ADGRE2: variants seen among roughly 807,000 people sequenced by gnomAD.
ADGRE2 encodes CD97 antigen.
ADGRE2 carries 83 observed loss-of-function variants against 100.8 expected under a neutral mutation model. The observed-to-expected ratio is 0.82, with a 90% CI of 0.69 to 0.99. The LOEUF is 0.99. ADGRE2 is among the 50% of genes least tolerant of loss of function. ADGRE2 has a pLI of 0.00. For synonymous variants in ADGRE2, 355 were observed against 413.0 expected (o/e 0.86, Z 1.70); for missense variants, 814 against 1,035.7 (o/e 0.79, Z 2.94).
chr19:14,770,222 G>A (rs1303363798), intron 5 of ADGRE2, among the ~76,000 whole-genome samples: 1 of 152,088 alleles, frequency 6.6e-6, no homozygotes, highest in African/African-American at 2.4e-5. Flanking sequence ...TTCTCGCCTT[G>A]TTAGTTCCCA....
At chr19:14,775,960 C>T (rs2044422165) in intron 2 of ADGRE2, among the ~76,000 whole-genome samples, 1 of 152,034 alleles carries the variant, frequency 6.6e-6, no homozygotes, top group African/African-American at 2.4e-5. Flanking sequence ...ACACCACAAC[C>T]GCCGCCAGCC....
In ADGRE2 at chr19:14,735,212, G is replaced by T. The variant is rs1439116932; in HGVS notation, c.*1024C>A. 1 of 152,064 alleles carries T rather than the reference G, an allele frequency of 6.6e-6. No homozygotes were observed. The highest frequency in any genetic ancestry group is 2.4e-5 in the African/African-American group (1 of 41,398). 9.4% of individuals were successfully genotyped at this position (152,064 alleles called of 1,614,324 possible). On this transcript the variant is annotated 3_prime_UTR_variant, in exon 21 of 21. Transcript: ENST00000315576. ...TCCTACCCTTGCTATTTGCCTAAATGATTTCTCCTTAACTCCTATATCATC... is the reference window on the plus strand; with the variant it reads ...TCCTACCCTTGCTATTTGCCTAAATTATTTCTCCTTAACTCCTATATCATC...
intron 14 of ADGRE2, 46 bp downstream of exon 14, chr19:14,754,907 GT>G (rs1277010947): frequency 6.3e-7 from 1 of 1,586,960 alleles, no homozygotes; most frequent in Non-Finnish European, 8.6e-7. Flanking sequence ...CTGGGGATTT[GT>G]TACACGGCAA....
intron 20 of ADGRE2, 127 bp from the exon 21 acceptor site, chr19:14,736,371 C>T (rs1043290913): frequency 3.5e-6 from 2 of 573,800 alleles, no homozygotes; most frequent in South Asian, 2.3e-5. Flanking sequence ...AAGCAATTCT[C>T]CTGTCTCAGC....
At chr19:14,773,521 CT>C (rs2044302585) in intron 4 of ADGRE2, among the ~76,000 whole-genome samples, 1 of 143,792 alleles carries the variant, frequency 7.0e-6, no homozygotes, top group African/African-American at 2.6e-5. Flanking sequence ...TTGTTTCTTT[CT>C]TTTTCCTGAG....
At chr19:14,765,971 C>T (rs1257189101) in intron 7 of ADGRE2, 167 bp from the exon 8 acceptor site, 5 of 688,986 alleles carry the variant, frequency 7.3e-6, no homozygotes, top group Non-Finnish European at 1.2e-5. Context: ...GGGCCCCGTG[C>T]AGATGAGCAG....
downstream of ADGRE2, among the ~76,000 whole-genome samples, chr19:14,729,353 C>T (rs1453917977): frequency 2.0e-5 from 3 of 151,056 alleles, no homozygotes; most frequent in African/African-American, 4.9e-5. Context: ...GTTGGTCAAA[C>T]GATACACTTT....
intron 17 of ADGRE2, 127 bp downstream of exon 17, chr19:14,746,769 T>C (rs2043105580): frequency 2.6e-6 from 2 of 771,384 alleles, no homozygotes; most frequent in Non-Finnish European, 4.3e-6. Context: ...TCAAGAGTGG[T>C]CTTAGGAAAC....
intron 10 of ADGRE2, 31 bp downstream of exon 10, chr19:14,765,289 C>T: frequency 6.2e-7 from 1 of 1,613,606 alleles, no homozygotes; most frequent in Non-Finnish European, 8.5e-7. Flanking sequence ...ACCTTCCTGC[C>T]TCGCCCCCTT....
Position 14,736,121 on chromosome 19 carries a change from A to G in ADGRE2, c.*115T>C. ...CCATAACATCCTTCATATTGCTGAC[A>G]TGGTGAATTTCTTGAAACACACAGA... On this transcript the variant is annotated 3_prime_UTR_variant, in exon 21 of 21. Coordinates refer to ENST00000315576, the MANE Select transcript of ADGRE2 (RefSeq NM_013447.4). 1.0e-6 allele frequency: 1 copy of G among 976,614 alleles called. No individual in the cohort carries two copies. Among genetic ancestry groups the G allele is most frequent in the Admixed American group, 2.1e-5 (1 of 46,878 alleles). 60.5% of individuals were successfully genotyped at this position (976,614 alleles called of 1,614,324 possible).
At chr19:14,730,283 G>A (rs2042659148), downstream of ADGRE2, among the ~76,000 whole-genome samples, 1 of 152,094 alleles carries the variant, frequency 6.6e-6, no homozygotes. Context: ...TTGAACTCCT[G>A]ACCTCAGGTG....
chr19:14,765,863 T>C (rs1328010757), intron 7 of ADGRE2, 59 bp from the exon 8 acceptor site: 6 of 1,611,418 alleles, frequency 3.7e-6, no homozygotes, highest in Admixed American at 1.7e-5. Flanking sequence ...TCCTGTCTCC[T>C]GTCTGTGCCC....
chr19:14,738,949 A>ATTTTC (rs199637167), intron 20 of ADGRE2, among the ~76,000 whole-genome samples: 18 of 146,056 alleles, frequency 1.2e-4, no homozygotes, highest in Non-Finnish European at 2.5e-4. Flanking sequence ...CAAGACACAC[A>ATTTTC]TTTTCTTTTC....
chr19:14,730,267 C>T (rs936600706), downstream of ADGRE2, among the ~76,000 whole-genome samples: 2 of 152,078 alleles, frequency 1.3e-5, no homozygotes, highest in Non-Finnish European at 1.5e-5. Flanking sequence ...GTTGGTCAGG[C>T]TGGTCTTGAA....
intron 10 of ADGRE2, among the ~76,000 whole-genome samples, chr19:14,764,846 G>A (rs1044824477): frequency 2.6e-5 from 4 of 152,084 alleles, no homozygotes; most frequent in Non-Finnish European, 5.9e-5. Context: ...GTGAAACCCC[G>A]TCTCTACTAA....
chr19:14,768,451 G>A (rs2044072872), intron 5 of ADGRE2, among the ~76,000 whole-genome samples: 1 of 152,188 alleles, frequency 6.6e-6, no homozygotes, highest in Non-Finnish European at 1.5e-5. Flanking sequence ...GCTGGAGAGG[G>A]GCACAGATGC....
intron 1 of ADGRE2, among the ~76,000 whole-genome samples, chr19:14,777,658 C>T (rs1177754336): frequency 1.3e-5 from 2 of 149,888 alleles, no homozygotes; most frequent in African/African-American, 2.5e-5. Context: ...CCCCACCCCC[C>T]GACAGGCCCC....
At position 14,732,872 on chromosome 19, in the gene ADGRE2, G is replaced by A. The variant is rs1055198553; in HGVS notation, c.*3364C>T. On this transcript the variant is annotated 3_prime_UTR_variant, in exon 21 of 21. Transcript: ENST00000315576. The stretch of plus-strand genomic sequence containing the variant: ...TGTCTATAGCTGTTTTCATACCACA[G>A]TGGTAGAATTGAGTTGCTGTAAATA... 2.6e-5 allele frequency: 4 copies of A among 152,172 alleles called. No homozygotes were observed. 9.4% of individuals were successfully genotyped at this position (152,172 alleles called of 1,614,324 possible).
At position 14,764,428 on chromosome 19, in the gene ADGRE2, C is replaced by T. The variant is rs779758686; in HGVS notation, c.1084+5G>A. 1.2e-6 allele frequency: 2 copies of T among 1,612,730 alleles called. No individual in the cohort carries two copies. The highest frequency in any genetic ancestry group is 1.7e-6 in the Non-Finnish European group (2 of 1,179,786). ...CTGGAGTCTGGGGCAGACCCAGGGA[C>T]CTACCTGTGCCTGCAGGATAACTGA... On this transcript the variant is annotated splice_donor_5th_base_variant and intron_variant, in intron 11 of 20. Transcript: ENST00000315576.
Sources: allele counts gnomAD v4.1 joint callset (sites outside exome capture counted in the v4.1 genomes callset), GRCh38; gene constraint gnomAD v4.1.1; transcripts MANE v1.5; gene names NCBI Gene and HGNC (gene_info 2026-07-23, HGNC 2026-07-21).